The following AUTS2 variants were observed in gnomAD, a reference collection of about 807,000 sequenced individuals.
AUTS2 encodes activator of transcription and developmental regulator AUTS2.
In AUTS2, 17 loss-of-function variants were observed where a neutral mutation model predicts 112.4. The observed-to-expected ratio is 0.15, with a 90% CI of 0.10 to 0.23. AUTS2 has a LOEUF of 0.23. AUTS2 is among the 10% of genes least tolerant of loss of function. The probability of loss-of-function intolerance (pLI) is 1.00; values close to 1 mark genes in which losing one functional copy is unlikely to be tolerated. For synonymous variants in AUTS2, 751 were observed against 702.7 expected (o/e 1.07, Z -1.09); for missense variants, 1,510 against 1,701.6 (o/e 0.89, Z 1.98).
At chr7:69,798,554 CAT>C (rs1297087166) in intron 1 of AUTS2, among the ~76,000 whole-genome samples, 2 of 151,948 alleles carry the variant, frequency 1.3e-5, no homozygotes, top group African/African-American at 4.8e-5. Flanking sequence ...ATGCATTGTC[CAT>C]ATGTTTACAT....
At chr7:69,885,062 T>C (rs978879809) in intron 1 of AUTS2, among the ~76,000 whole-genome samples, 1 of 152,200 alleles carries the variant, frequency 6.6e-6, no homozygotes. Flanking sequence ...GGAAGGCAAG[T>C]ACAGAGTCAT....
At chr7:70,613,544 G>A (rs1804204383) in intron 5 of AUTS2, among the ~76,000 whole-genome samples, 1 of 152,180 alleles carries the variant, frequency 6.6e-6, no homozygotes, top group African/African-American at 2.4e-5. Flanking sequence ...GGCCACAGGA[G>A]AGCAGAGGGG....
At chr7:70,665,375 C>T (rs980301907) in intron 5 of AUTS2, among the ~76,000 whole-genome samples, 2 of 152,042 alleles carry the variant, frequency 1.3e-5, no homozygotes, top group Admixed American at 6.5e-5. Context: ...GTGATCCTCC[C>T]GCCTCAGTCT....
chr7:70,257,132 GT>G (rs1252039923), intron 4 of AUTS2, among the ~76,000 whole-genome samples: 8 of 151,986 alleles, frequency 5.3e-5, no homozygotes, highest in African/African-American at 1.7e-4. Context: ...TGCCTATTCT[GT>G]TTTTTAGTTT....
intron 1 of AUTS2, among the ~76,000 whole-genome samples, chr7:69,797,011 A>G (rs1331305660): frequency 6.6e-6 from 1 of 152,194 alleles, no homozygotes; most frequent in Non-Finnish European, 1.5e-5. Flanking sequence ...GTGAGGATGC[A>G]ATGGAATCGT....
intron 6 of AUTS2, among the ~76,000 whole-genome samples, chr7:70,760,106 C>T (rs1417780919): frequency 2.0e-5 from 3 of 151,682 alleles, no homozygotes; most frequent in South Asian, 2.1e-4. Context: ...CCCAGGTTCA[C>T]GCCATTCTCC....
chr7:70,025,814 C>G (rs973711584), intron 2 of AUTS2, among the ~76,000 whole-genome samples: 9 of 143,612 alleles, frequency 6.3e-5, no homozygotes, highest in Admixed American at 5.7e-4. Flanking sequence ...GCTGAAGGAG[C>G]TGAGGCAGTG....
In AUTS2 at chr7:70,290,649, ATTTG is replaced by A. The variant is rs962332737; in HGVS notation, c.661-145099_661-145096del. The A allele has an allele frequency of 8.6e-5, 118 of 1,376,288 alleles. 2 individuals are homozygous for A. The African/African-American group carries it at 1.1e-3, about 12-fold the overall frequency. 85.3% of individuals were successfully genotyped at this position (1,376,288 alleles called of 1,614,324 possible). On this transcript the variant is annotated intron_variant, in intron 4 of 18. Coordinates refer to ENST00000342771, the MANE Select transcript of AUTS2 (RefSeq NM_015570.4). ...TGCAGTGTGTTTTAGTTTAACCTTC[ATTTG>A]TTTCTCTTTTCTCCATTCCTCATCC... is the stretch of plus-strand genomic sequence containing the variant.
At chr7:70,428,475 G>A (rs1795521540) in intron 4 of AUTS2, among the ~76,000 whole-genome samples, 1 of 152,146 alleles carries the variant, frequency 6.6e-6, no homozygotes, top group Admixed American at 6.6e-5. Context: ...TTAGGTGAGG[G>A]ATGTCTTTAA....
At chr7:70,121,252 A>C (rs1338318357) in intron 3 of AUTS2, among the ~76,000 whole-genome samples, 1 of 152,210 alleles carries the variant, frequency 6.6e-6, no homozygotes, top group Non-Finnish European at 1.5e-5. Flanking sequence ...CTCTTAGAAG[A>C]AAATATACAG....
At chr7:69,676,806 G>GT (rs1043854366) in intron 1 of AUTS2, among the ~76,000 whole-genome samples, 1 of 123,604 alleles carries the variant, frequency 8.1e-6, no homozygotes, top group African/African-American at 3.1e-5. Flanking sequence ...TGAAACTCTG[G>GT]TTTTTTTCTT....
At chr7:70,697,264 C>A (rs756334796) in intron 5 of AUTS2, among the ~76,000 whole-genome samples, 16 of 152,084 alleles carry the variant, frequency 1.1e-4, no homozygotes, top group Non-Finnish European at 2.1e-4. Context: ...TGTTAAACTG[C>A]ATGTATAAAT....
chr7:69,776,106 C>T (rs1441235289), intron 1 of AUTS2, among the ~76,000 whole-genome samples: 1 of 152,148 alleles, frequency 6.6e-6, no homozygotes, highest in African/African-American at 2.4e-5. Flanking sequence ...TGGTTATCGT[C>T]ATCATATGAC....
intron 2 of AUTS2, among the ~76,000 whole-genome samples, chr7:69,980,761 T>G (rs879195611): frequency 1.3e-5 from 2 of 152,182 alleles, no homozygotes; most frequent in Admixed American, 1.3e-4. Context: ...GTATCAACTC[T>G]GGAGATTCTG....
At chr7:69,791,281 A>G (rs776430973) in intron 1 of AUTS2, among the ~76,000 whole-genome samples, 1 of 152,198 alleles carries the variant, frequency 6.6e-6, no homozygotes, top group African/African-American at 2.4e-5. Context: ...GTGACCTCCA[A>G]TAGAGCTGTG....
At chr7:69,780,992 GT>G (rs1789122287) in intron 1 of AUTS2, among the ~76,000 whole-genome samples, 1 of 152,224 alleles carries the variant, frequency 6.6e-6, no homozygotes, top group Admixed American at 6.5e-5. Flanking sequence ...AGGTCTGACT[GT>G]TTTAACCTAC....
At chr7:70,049,044 G>A (rs558560142) in intron 2 of AUTS2, among the ~76,000 whole-genome samples, 1 of 152,260 alleles carries the variant, frequency 6.6e-6, no homozygotes, top group East Asian at 1.9e-4. Flanking sequence ...CAGTGTTCCT[G>A]TCTCAGCCTC....
At chr7:69,695,567 C>T (rs1797523748) in intron 1 of AUTS2, among the ~76,000 whole-genome samples, 1 of 152,218 alleles carries the variant, frequency 6.6e-6, no homozygotes, top group African/African-American at 2.4e-5. Flanking sequence ...CTTTTTAATA[C>T]TCACTTTAAA....
chr7:70,102,793 A>G (rs1325314298), intron 2 of AUTS2, among the ~76,000 whole-genome samples: 3 of 152,164 alleles, frequency 2.0e-5, no homozygotes, highest in African/African-American at 7.2e-5. Flanking sequence ...AAGATGGCTA[A>G]GGTAAATGAA....
Sources: allele counts gnomAD v4.1 joint callset (sites outside exome capture counted in the v4.1 genomes callset), GRCh38; gene constraint gnomAD v4.1.1; transcripts MANE v1.5; gene names NCBI Gene and HGNC (gene_info 2026-07-23, HGNC 2026-07-21).